The following GADL1 variants were observed in gnomAD, a reference collection of about 807,000 sequenced individuals.
GADL1 encodes GAD like acidic amino acid decarboxylase 1, also known as acidic amino acid decarboxylase GADL1.
In GADL1, 71 loss-of-function variants were observed where a neutral mutation model predicts 69.5. The observed-to-expected ratio is 1.02, with a 90% CI of 0.84 to 1.25. The LOEUF (loss-of-function observed/expected upper bound fraction) is 1.25, where lower values mean the gene tolerates loss of function less well. Ranked by LOEUF, GADL1 falls within the 50% of genes most tolerant of loss-of-function variation. The pLI is 0.00. For synonymous variants in GADL1, 254 were observed against 214.4 expected, an observed-to-expected ratio of 1.18 and a Z score of -1.62; for missense variants, 737 against 631.8, an observed-to-expected ratio of 1.17 and a Z score of -1.79.
chr3:30,814,781 T>C (rs965723356), intron 11 of GADL1, among the ~76,000 whole-genome samples: 4 of 152,022 alleles, frequency 2.6e-5, no homozygotes, highest in Non-Finnish European at 4.4e-5. Context: ...CTGGCCAAGA[T>C]AGTGAAATCC....
Position 30,861,673 on chromosome 3 carries a change from C to A in GADL1, c.130G>T (p.Ala44Ser). ...VLNGPTTDAKAGEKFVEEACR... is the reference protein window; with the variant it reads ...VLNGPTTDAKSGEKFVEEACR... Reference sequence around the variant, plus strand: ...GCCTCTTCAACAAATTTTTCTCCAGCTTTTGCATCTGTTGTAGGACCATTC... The same window carrying A: ...GCCTCTTCAACAAATTTTTCTCCAGATTTTGCATCTGTTGTAGGACCATTC... The change falls in exon 2 of 15, where the codon GCT becomes TCT. Residue 44 changes from alanine (A) to serine (S), a missense_variant. Physicochemically the swap from Ala to Ser is moderately conservative, Grantham distance 99. Coordinates refer to ENST00000282538, the MANE Select transcript of GADL1 (RefSeq NM_207359.3). The A allele has an allele frequency of 6.4e-7, 1 of 1,550,390 alleles. No individual in the cohort carries two copies. The highest frequency in any genetic ancestry group is 8.7e-7 in the Non-Finnish European group (1 of 1,145,912).
At chr3:30,810,841 C>A (rs998675184) in intron 11 of GADL1, among the ~76,000 whole-genome samples, 1 of 151,986 alleles carries the variant, frequency 6.6e-6, no homozygotes, top group African/African-American at 2.4e-5. Flanking sequence ...GCCTTCCACG[C>A]AAAATGAGAG....
intron 12 of GADL1, among the ~76,000 whole-genome samples, chr3:30,788,989 C>G (rs1161689407): frequency 6.6e-6 from 1 of 152,154 alleles, no homozygotes; most frequent in Non-Finnish European, 1.5e-5. Context: ...TTAACTTATT[C>G]TAAATCCCCA....
At chr3:30,858,613 G>A (rs1320586826) in intron 2 of GADL1, among the ~76,000 whole-genome samples, 1 of 151,964 alleles carries the variant, frequency 6.6e-6, no homozygotes, top group African/African-American at 2.4e-5. Flanking sequence ...TGGCAGCAAT[G>A]GGGATAGCAG....
chr3:30,821,464 C>T (rs9879112), intron 11 of GADL1, among the ~76,000 whole-genome samples: 54,600 of 151,604 alleles, frequency 0.36, 13,381 homozygotes, highest in African/African-American at 0.66. Context: ...TGGTCATGAA[C>T]TGATCCCTAC....
intron 11 of GADL1, among the ~76,000 whole-genome samples, chr3:30,815,568 A>C (rs1697452717): frequency 6.6e-6 from 1 of 152,188 alleles, no homozygotes; most frequent in Non-Finnish European, 1.5e-5. Flanking sequence ...TGAAAGAGGG[A>C]AAGTGTAATG....
chr3:30,795,507 A>C (rs1697013406), intron 12 of GADL1, among the ~76,000 whole-genome samples: 1 of 152,280 alleles, frequency 6.6e-6, no homozygotes, highest in East Asian at 1.9e-4. Flanking sequence ...AGACACTACA[A>C]ACTGGGGCTT....
intron 12 of GADL1, among the ~76,000 whole-genome samples, chr3:30,788,121 T>C (rs534349489): frequency 3.3e-5 from 5 of 152,318 alleles, no homozygotes; most frequent in African/African-American, 1.2e-4. Context: ...CATGTAGCTA[T>C]AAAGTTTTTA....
Position 30,818,664 on chromosome 3 carries a change from A to G in GADL1, c.1050+15189T>C, listed in dbSNP as rs1347008854. On this transcript the variant is annotated intron_variant, in intron 11 of 14. Coordinates refer to ENST00000282538, the MANE Select transcript of GADL1 (RefSeq NM_207359.3). ...CCATTAATATAAGTATGTCCTATGT[A>G]ACATTTGAGATATACTTACACTAAA... 3.3e-5 allele frequency among the ~76,000 whole-genome samples: 5 copies of G among 152,328 alleles called. No homozygotes were observed. In the East Asian group the frequency reaches 9.6e-4, roughly 29 times the overall value.
intron 12 of GADL1, among the ~76,000 whole-genome samples, chr3:30,793,127 G>A (rs535727771): frequency 1.3e-5 from 2 of 152,224 alleles, no homozygotes; most frequent in South Asian, 4.2e-4. Context: ...TTTAACCATG[G>A]AACTATTTTT....
chr3:30,786,302 CCTT>C, intron 13 of GADL1, 50 bp downstream of exon 13: 1 of 1,078,340 alleles, frequency 9.3e-7, no homozygotes, highest in Non-Finnish European at 1.4e-6. Flanking sequence ...AAAATTACCA[CCTT>C]CATCACTGTT....
At chr3:30,823,795 G>A (rs1697633529) in intron 11 of GADL1, among the ~76,000 whole-genome samples, 1 of 151,914 alleles carries the variant, frequency 6.6e-6, no homozygotes, top group African/African-American at 2.4e-5. Context: ...ACCTAGAGAT[G>A]ACAGTATGTA....
chr3:30,801,388 TTCAGTGTGAATAAAACTGTCTATAAC>T (rs1697162310), intron 11 of GADL1, among the ~76,000 whole-genome samples: 1 of 152,174 alleles, frequency 6.6e-6, no homozygotes, highest in Non-Finnish European at 1.5e-5. Flanking sequence ...GGCCCAGTTT[TTCAGTGTGAATAAAACTGTCTATAAC>T]TCAAAGTGCT....
In GADL1 at chr3:30,850,018, A is replaced by T; in HGVS notation, c.629T>A (p.Leu210Ter). 6.2e-7 allele frequency: 1 copy of T among 1,601,238 alleles called. No homozygotes were observed. The highest frequency in any genetic ancestry group is 8.6e-7 in the Non-Finnish European group (1 of 1,168,540). ...KEKGLSGSPR[L>*]ILFTSAECHY... The stretch of plus-strand genomic sequence containing the variant: ...TACCTCTGCAGATGTGAAAAGGATT[A>T]ATCTTGGCGAACCAGACAGCCCCTT... The change falls in exon 6 of 15, where the codon TTA becomes TAA. Residue 210 changes from leucine (L) to a stop codon, truncating the protein, a stop_gained. Coordinates refer to ENST00000282538, the MANE Select transcript of GADL1 (RefSeq NM_207359.3). LOFTEE classifies it high-confidence loss of function.
At chr3:30,833,825 C>T (rs115168311) in intron 11 of GADL1, 28 bp downstream of exon 11, 6 of 1,547,132 alleles carry the variant, frequency 3.9e-6, no homozygotes, top group Non-Finnish European at 5.4e-6. Flanking sequence ...CCCCTTGAAG[C>T]CCAAAGGACC....
At chr3:30,772,663 T>C (rs1221111214) in intron 14 of GADL1, among the ~76,000 whole-genome samples, 1 of 152,016 alleles carries the variant, frequency 6.6e-6, no homozygotes, top group Non-Finnish European at 1.5e-5. Context: ...AATCATGAGG[T>C]CAGGAGTTTG....
At chr3:30,847,944 A>G (rs1180818861) in intron 6 of GADL1, among the ~76,000 whole-genome samples, 1 of 152,176 alleles carries the variant, frequency 6.6e-6, no homozygotes, top group Non-Finnish European at 1.5e-5. Context: ...TAATTATTCC[A>G]GAAAAGAACT....
chr3:30,791,200 G>A (rs1696905121), intron 12 of GADL1, among the ~76,000 whole-genome samples: 1 of 152,096 alleles, frequency 6.6e-6, no homozygotes, highest in Non-Finnish European at 1.5e-5. Context: ...AAAACAAATA[G>A]ATGAATATAC....
intron 9 of GADL1, among the ~76,000 whole-genome samples, chr3:30,837,013 A>T (rs769684429): frequency 9.2e-5 from 14 of 152,170 alleles, no homozygotes; most frequent in Non-Finnish European, 2.1e-4. Context: ...AAAAATTGAC[A>T]TCAAAATATC....
Sources: gnomAD v4.1 joint callset for allele counts (sites outside exome capture counted in the v4.1 genomes callset) on GRCh38, gnomAD v4.1.1 for gene constraint, MANE v1.5 for transcripts, NCBI Gene and HGNC (gene_info 2026-07-23, HGNC 2026-07-21) for gene names.